Variants in MYO3A observed in about 807,000 individuals in gnomAD.
MYO3A encodes myosin-IIIa.
Under a neutral mutation model 192.7 loss-of-function variants are expected in MYO3A, and 180 were observed. That is an observed-to-expected ratio of 0.93 (90% CI 0.83 to 1.06). The LOEUF (loss-of-function observed/expected upper bound fraction) is 1.06, where lower values mean the gene tolerates loss of function less well. Among genes scored for constraint, MYO3A ranks in the 50% least tolerant of loss-of-function variants. MYO3A has a pLI of 0.00. For missense variants in MYO3A, 1,896 were observed against 1,905.0 expected, an observed-to-expected ratio of 1.00 and a Z score of 0.09; for synonymous variants, 628 against 645.3, an observed-to-expected ratio of 0.97 and a Z score of 0.41.
chr10:26,062,424 G>C (rs34610554), intron 10 of MYO3A, among the ~76,000 whole-genome samples: 11 of 147,944 alleles, frequency 7.4e-5, no homozygotes, highest in African/African-American at 2.7e-4. Flanking sequence ...GGCTGAGGCA[G>C]GAGAATTGCT....
chr10:26,009,002 G>A (rs1186074854), intron 6 of MYO3A, among the ~76,000 whole-genome samples: 1 of 151,876 alleles, frequency 6.6e-6, no homozygotes, highest in African/African-American at 2.4e-5. Flanking sequence ...TGATAGACTG[G>A]ATTAAGAAAA....
At chr10:26,056,770 C>G (rs17738985) in intron 10 of MYO3A, among the ~76,000 whole-genome samples, 71,923 of 152,070 alleles carry the variant, frequency 0.47, 17,859 homozygotes, top group Middle Eastern at 0.59. Flanking sequence ...ATACCATCAT[C>G]TATTTAATTG....
intron 4 of MYO3A, among the ~76,000 whole-genome samples, chr10:25,966,582 A>C (rs1303533783): frequency 6.6e-6 from 1 of 152,176 alleles, no homozygotes; most frequent in African/African-American, 2.4e-5. Context: ...ACAAACAAAA[A>C]AAAACTGAAC....
intron 7 of MYO3A, among the ~76,000 whole-genome samples, chr10:26,017,799 A>C (rs1029630684): frequency 7.5e-6 from 1 of 133,744 alleles, no homozygotes; most frequent in Non-Finnish European, 1.7e-5. Flanking sequence ...TTAGAGTAAA[A>C]ATATAAAGTA....
intron 23 of MYO3A, among the ~76,000 whole-genome samples, chr10:26,148,264 G>A (rs766202832): frequency 4.6e-5 from 7 of 152,086 alleles, no homozygotes; most frequent in African/African-American, 7.2e-5. Flanking sequence ...TGAAGAGATT[G>A]TTCTTTCCCC....
At chr10:26,046,431 T>A (rs1976828) in intron 10 of MYO3A, among the ~76,000 whole-genome samples, 110,399 of 152,106 alleles carry the variant, frequency 0.73, 40,496 homozygotes, top group African/African-American at 0.82. Context: ...TTTTCAACAC[T>A]GGTGGCCCAT....
chr10:25,972,037 T>C (rs771569934), intron 4 of MYO3A, among the ~76,000 whole-genome samples: 9 of 152,198 alleles, frequency 5.9e-5, no homozygotes, highest in Non-Finnish European at 8.8e-5. Flanking sequence ...CTCATTAAAT[T>C]TGAAAATTAT....
intron 17 of MYO3A, among the ~76,000 whole-genome samples, chr10:26,116,926 C>A (rs1414947642): frequency 6.6e-6 from 1 of 152,170 alleles, no homozygotes; most frequent in Non-Finnish European, 1.5e-5. Context: ...CCTTTCCCCA[C>A]AATTGAGAAC....
intron 17 of MYO3A, among the ~76,000 whole-genome samples, chr10:26,109,951 G>A (rs1231511824): frequency 6.6e-6 from 1 of 152,132 alleles, no homozygotes; most frequent in Non-Finnish European, 1.5e-5. Flanking sequence ...CAGAGCGGGA[G>A]TTATTGCAAT....
intron 6 of MYO3A, among the ~76,000 whole-genome samples, chr10:26,002,306 A>G (rs7919492): frequency 0.094 from 14,369 of 152,274 alleles, 1,199 homozygotes; most frequent in African/African-American, 0.21. Flanking sequence ...AATATAATTC[A>G]AATATAAAAT....
chr10:26,141,481 C>T (rs1444883641), intron 20 of MYO3A, among the ~76,000 whole-genome samples: 6 of 152,134 alleles, frequency 3.9e-5, no homozygotes, highest in Non-Finnish European at 8.8e-5. Flanking sequence ...GTTTTCCACG[C>T]CACTCATCTC....
intron 18 of MYO3A, among the ~76,000 whole-genome samples, chr10:26,123,877 G>A (rs1255283112): frequency 6.6e-6 from 1 of 152,150 alleles, no homozygotes; most frequent in Non-Finnish European, 1.5e-5. Context: ...AGTGAGCGGA[G>A]ATCGTGCCAC....
intron 23 of MYO3A, among the ~76,000 whole-genome samples, chr10:26,151,334 A>G (rs1840778295): frequency 6.6e-6 from 1 of 151,340 alleles, no homozygotes; most frequent in South Asian, 2.1e-4. Context: ...TTGCTCATGT[A>G]TTCTTAAGCT....
At chr10:26,004,354 C>CAGTA (rs1841045176) in intron 6 of MYO3A, among the ~76,000 whole-genome samples, 1 of 151,912 alleles carries the variant, frequency 6.6e-6, no homozygotes, top group South Asian at 2.1e-4. Context: ...CTTACTGTTA[C>CAGTA]AGAAAAGAAT....
At chr10:26,077,830 C>T (rs760576940) in intron 14 of MYO3A, among the ~76,000 whole-genome samples, 1 of 152,124 alleles carries the variant, frequency 6.6e-6, no homozygotes, top group Non-Finnish European at 1.5e-5. Context: ...ACCATCCCTG[C>T]ATCCCTAGTA....
intron 6 of MYO3A, among the ~76,000 whole-genome samples, chr10:26,009,998 C>T (rs1484512014): frequency 1.3e-5 from 2 of 152,124 alleles, no homozygotes; most frequent in East Asian, 3.9e-4. Context: ...AGCTAAGGTC[C>T]AGTACTGGAC....
chr10:26,173,668 C>CT lies in MYO3A; in HGVS notation c.3407dup (p.Val1137ArgfsTer12). The CT allele has an allele frequency of 6.2e-7, 1 of 1,612,974 alleles. No homozygotes were observed. Among genetic ancestry groups the CT allele is most frequent in the Non-Finnish European group, 8.5e-7 (1 of 1,179,326 alleles). ...AGATAATATATTTTACACAGGGAAT[C>CT]TTTCGTGAAGAAACAAGCAGAAAAT... On this transcript the variant is annotated frameshift_variant, in exon 30 of 35. Coordinates refer to ENST00000642920, the MANE Select transcript of MYO3A (RefSeq NM_017433.5). LOFTEE classifies it high-confidence loss of function.
chr10:26,107,867 G>A (rs1353553590), intron 17 of MYO3A, among the ~76,000 whole-genome samples: 1 of 151,698 alleles, frequency 6.6e-6, no homozygotes, highest in Non-Finnish European at 1.5e-5. Context: ...TCCGATAAAT[G>A]TTTTCATTGT....
At chr10:25,978,672 A>G (rs1421206278) in intron 4 of MYO3A, among the ~76,000 whole-genome samples, 1 of 152,214 alleles carries the variant, frequency 6.6e-6, no homozygotes, top group Non-Finnish European at 1.5e-5. Context: ...ATAAGAATAT[A>G]AGAATATTAC....
Sources: gnomAD v4.1 joint callset for allele counts (sites outside exome capture counted in the v4.1 genomes callset) on GRCh38, gnomAD v4.1.1 for gene constraint, MANE v1.5 for transcripts, NCBI Gene and HGNC (gene_info 2026-07-23, HGNC 2026-07-21) for gene names.